Variants in ANO4 observed in about 807,000 individuals in gnomAD.
ANO4 encodes the protein anoctamin 4.
In ANO4, 69 loss-of-function variants were observed where a neutral mutation model predicts 141.9. The observed-to-expected ratio is 0.49, with a 90% CI of 0.40 to 0.59. The LOEUF is 0.59. Among genes scored for constraint, ANO4 ranks in the 20% least tolerant of loss-of-function variants. The probability of loss-of-function intolerance (pLI) is 0.00; values close to 1 mark genes in which losing one functional copy is unlikely to be tolerated. For synonymous variants in ANO4, 350 were observed against 394.3 expected (o/e 0.89, Z 1.33); for missense variants, 894 against 1,162.2 (o/e 0.77, Z 3.36).
intron 8 of ANO4, among the ~76,000 whole-genome samples, chr12:100,991,905 C>G (rs904890370): frequency 1.3e-5 from 2 of 152,088 alleles, no homozygotes; most frequent in Non-Finnish European, 2.9e-5. Flanking sequence ...TCCAAGATAC[C>G]TTCTTTTCAA....
chr12:100,923,299 A>G (rs1259178635), intron 3 of ANO4, among the ~76,000 whole-genome samples: 1 of 100,756 alleles, frequency 9.9e-6, no homozygotes, highest in South Asian at 3.4e-4. Context: ...CCCCCACCCT[A>G]CGACAGGCCC....
intron 4 of ANO4, among the ~76,000 whole-genome samples, chr12:100,941,909 T>C (rs146538147): frequency 2.6e-4 from 39 of 151,106 alleles, no homozygotes; most frequent in African/African-American, 9.5e-4. Context: ...TTGTTTCCTC[T>C]TGATTACATT....
intron 1 of ANO4, among the ~76,000 whole-genome samples, chr12:100,724,460 G>C (rs2031014853): frequency 6.6e-6 from 1 of 152,158 alleles, no homozygotes; most frequent in Admixed American, 6.5e-5. Flanking sequence ...AATACTACTA[G>C]AACTATTACT....
chr12:101,101,989 C>G (rs2050207379), intron 22 of ANO4, among the ~76,000 whole-genome samples: 1 of 152,024 alleles, frequency 6.6e-6, no homozygotes, highest in Non-Finnish European at 1.5e-5. Context: ...GAAGCTGAGG[C>G]AGGAGAATTG....
At chr12:101,077,475 C>T (rs2049067077) in intron 14 of ANO4, among the ~76,000 whole-genome samples, 1 of 152,128 alleles carries the variant, frequency 6.6e-6, no homozygotes, top group South Asian at 2.1e-4. Context: ...GGAAGGACTC[C>T]AGTAGAAAAC....
chr12:100,905,177 G>A (rs2040782259), intron 2 of ANO4, among the ~76,000 whole-genome samples: 1 of 152,196 alleles, frequency 6.6e-6, no homozygotes, highest in African/African-American at 2.4e-5. Context: ...TGAGCTCCAT[G>A]TCTGGAGTTT....
intron 1 of ANO4, among the ~76,000 whole-genome samples, chr12:100,721,852 ATTT>A (rs377385548): frequency 3.7e-5 from 5 of 133,484 alleles, no homozygotes; most frequent in Admixed American, 7.4e-5. Context: ...CTAACTTTTA[ATTT>A]TTTTTTTTTT....
chr12:100,913,622 T>C (rs1377443034), intron 2 of ANO4, among the ~76,000 whole-genome samples: 2 of 152,222 alleles, frequency 1.3e-5, no homozygotes, highest in Non-Finnish European at 2.9e-5. Context: ...CTATCCACAG[T>C]TTCAGATATC....
intron 1 of ANO4, among the ~76,000 whole-genome samples, chr12:100,832,155 C>G (rs75457789): frequency 0.022 from 3,418 of 152,142 alleles, 126 homozygotes; most frequent in African/African-American, 0.078. Context: ...TCCCCACCCC[C>G]CAATCCTCTG....
intron 1 of ANO4, among the ~76,000 whole-genome samples, chr12:100,872,592 G>A (rs1055645794): frequency 6.6e-6 from 1 of 152,282 alleles, no homozygotes; most frequent in South Asian, 2.1e-4. Flanking sequence ...TTTAGCTTCA[G>A]TAAATTAACA....
chr12:101,053,493 G>T (rs776671301), intron 14 of ANO4, among the ~76,000 whole-genome samples: 2 of 152,204 alleles, frequency 1.3e-5, no homozygotes, highest in Non-Finnish European at 2.9e-5. Flanking sequence ...TCTGAGGGCT[G>T]TGAGGGAAGG....
At chr12:100,877,149 C>T (rs916107739) in intron 1 of ANO4, among the ~76,000 whole-genome samples, 1 of 152,004 alleles carries the variant, frequency 6.6e-6, no homozygotes, top group Non-Finnish European at 1.5e-5. Context: ...AGCTGTTGTT[C>T]AACGGGCACA....
In ANO4 at chr12:100,737,386, C is replaced by G. The variant is rs183626146; in HGVS notation, c.107-2468C>G. Among the ~76,000 whole-genome samples, 3 of 152,312 alleles carry G rather than the reference C, an allele frequency of 2.0e-5. No individual in the cohort carries two copies. The East Asian group carries it at 5.8e-4, about 29-fold the overall frequency. ...ATTGCTCTAGGAGCTGAGAAACTTT[C>G]CCCTGCAGCTCCTTGACAGACTCCT... On this transcript the variant is annotated intron_variant, in intron 2 of 29. Transcript: ENST00000644049.
chr12:100,944,906 C>T (rs541450775), intron 5 of ANO4, among the ~76,000 whole-genome samples: 3 of 152,086 alleles, frequency 2.0e-5, no homozygotes, highest in South Asian at 2.1e-4. Flanking sequence ...ATTTAGAAAC[C>T]GTTGGAAGTA....
intron 1 of ANO4, among the ~76,000 whole-genome samples, chr12:100,836,448 C>T (rs537394941): frequency 3.0e-4 from 46 of 151,654 alleles, no homozygotes; most frequent in African/African-American, 1.1e-3. Context: ...CCCATTAACT[C>T]GTCATTTACA....
intron 3 of ANO4, among the ~76,000 whole-genome samples, chr12:100,755,212 T>C (rs990143337): frequency 4.6e-5 from 7 of 152,182 alleles, no homozygotes; most frequent in Admixed American, 3.9e-4. Context: ...CATCCTGCAT[T>C]CCAGCTCTTC....
chr12:100,984,573 A>T (rs2044625975), intron 7 of ANO4, among the ~76,000 whole-genome samples: 1 of 152,214 alleles, frequency 6.6e-6, no homozygotes, highest in African/African-American at 2.4e-5. Context: ...CTGTAAGGTC[A>T]GTAAGATGAT....
At chr12:100,750,876 T>G (rs1357518272) in intron 3 of ANO4, among the ~76,000 whole-genome samples, 1 of 152,170 alleles carries the variant, frequency 6.6e-6, no homozygotes, top group South Asian at 2.1e-4. Context: ...AAATAGATTT[T>G]GAGCCAGAGA....
At position 100,939,442 on chromosome 12, in the gene ANO4, C is replaced by T. The variant is rs1243711528; in HGVS notation, c.288C>T (p.Ala96=). ...CAGATGATGCCAGCAGATTGGAAGCCGGGGGAGAGGTAAGAGTATATGATT... is the reference window on the plus strand; with the variant it reads ...CAGATGATGCCAGCAGATTGGAAGCTGGGGGAGAGGTAAGAGTATATGATT... ...STSDDASRLE[A]GGETVPERNK... is the part of the protein sequence containing the mutation. Residue 96 remains alanine, a synonymous_variant, in exon 4 of 28, where the codon GCC becomes GCT. Coordinates refer to ENST00000392977, the MANE Select transcript of ANO4 (RefSeq NM_001286615.2). 8 of 1,613,052 alleles carry T rather than the reference C, an allele frequency of 5.0e-6. No individual in the cohort carries two copies. The African/African-American group carries it at 8.0e-5, about 16-fold the overall frequency.
Sources: gnomAD v4.1 joint callset for allele counts (sites outside exome capture counted in the v4.1 genomes callset) on GRCh38, gnomAD v4.1.1 for gene constraint, MANE v1.5 for transcripts, NCBI Gene and HGNC (gene_info 2026-07-23, HGNC 2026-07-21) for gene names.